The following CD109 variants were observed in gnomAD, a reference collection of about 807,000 sequenced individuals.
CD109 encodes CD109 molecule.
CD109 carries 149 observed loss-of-function variants against 165.8 expected under a neutral mutation model. That is an observed-to-expected ratio of 0.90 (90% confidence interval 0.79 to 1.03). The LOEUF (loss-of-function observed/expected upper bound fraction) is 1.03, where lower values mean the gene tolerates loss of function less well. Ranked by LOEUF, CD109 falls within the 50% of genes least tolerant of loss-of-function variation. The pLI is 0.00. For synonymous variants in CD109, 585 were observed against 592.1 expected (o/e 0.99, Z 0.18); for missense variants, 1,712 against 1,677.8 (o/e 1.02, Z -0.36).
chr6:73,815,362 G>A (rs1203943018), intron 30 of CD109, among the ~76,000 whole-genome samples: 5 of 152,088 alleles, frequency 3.3e-5, no homozygotes, highest in African/African-American at 1.2e-4. Flanking sequence ...ATAGAACAGT[G>A]TATATATAAA....
At position 73,810,165 on chromosome 6, in the gene CD109, A is replaced by G. The variant is rs773711864; in HGVS notation, c.3537A>G (p.Ala1179=). The G allele has an allele frequency of 5.0e-6, 8 of 1,596,564 alleles. No homozygotes were observed. The Admixed American group carries it at 5.4e-5, about 11-fold the overall frequency. The part of the protein sequence containing the change: ...SRQRNSLGGF[A]STQDTTVALK... Reference sequence around the variant, plus strand: ...AAAGAAATAGCTTGGGTGGTTTTGCATCTACTCAGGTGAGAGATGATAGTT... The same window carrying G: ...AAAGAAATAGCTTGGGTGGTTTTGCGTCTACTCAGGTGAGAGATGATAGTT... Residue 1179 remains alanine, a synonymous_variant, in exon 27 of 33, where the codon GCA becomes GCG. Transcript: ENST00000287097.
At chr6:73,815,336 C>G (rs924306444) in intron 30 of CD109, among the ~76,000 whole-genome samples, 3 of 152,012 alleles carry the variant, frequency 2.0e-5, no homozygotes, top group Admixed American at 2.0e-4. Context: ...TTTCCCTGGA[C>G]GTATAACACA....
chr6:73,767,633 G>T (rs1306023693), intron 13 of CD109, among the ~76,000 whole-genome samples: 1 of 151,926 alleles, frequency 6.6e-6, no homozygotes, highest in Non-Finnish European at 1.5e-5. Flanking sequence ...ATTTAAAATA[G>T]ATAACTAAAC....
chr6:73,708,492 A>G (rs1030254922), intron 2 of CD109, among the ~76,000 whole-genome samples: 2 of 152,206 alleles, frequency 1.3e-5, no homozygotes, highest in Admixed American at 6.5e-5. Flanking sequence ...AGCATGATTT[A>G]TAGTCCTTTG....
intron 5 of CD109, among the ~76,000 whole-genome samples, chr6:73,750,026 C>T (rs1451173946): frequency 6.6e-6 from 1 of 152,104 alleles, no homozygotes; most frequent in Non-Finnish European, 1.5e-5. Flanking sequence ...AGCTTATAAT[C>T]GAATACCTTC....
intron 22 of CD109, among the ~76,000 whole-genome samples, chr6:73,791,150 T>TACACAC (rs1300981171): frequency 7.3e-5 from 2 of 27,328 alleles, no homozygotes; most frequent in Non-Finnish European, 1.3e-4. Flanking sequence ...TATATATATA[T>TACACAC]ATATATATAT....
rs1284582837 is a variant in CD109, at chr6:73,783,823, A to C, written c.2222A>C (p.Glu741Ala). 6.5e-7 allele frequency: 1 copy of C among 1,538,506 alleles called. No individual in the cohort carries two copies. The highest frequency in any genetic ancestry group is 1.7e-5 in the Admixed American group (1 of 59,020). ...CTTGGACTAACAACTACTCCAGTGG[A>C]GGTATTGTATTAAAGAGCTGCTTAT... Reference protein sequence around the residue: ...LGLGLTTTPVELQAFQPFFIF... With the variant: ...LGLGLTTTPVALQAFQPFFIF... Residue 741 changes from glutamate to alanine, a missense_variant and splice_region_variant, in exon 19 of 33, where the codon GAG becomes GCG. By Grantham distance (107) the Glu-to-Ala change is moderately radical (BLOSUM62 -1). Transcript: ENST00000287097.
At chr6:73,741,555 A>G (rs1416923621) in intron 5 of CD109, among the ~76,000 whole-genome samples, 3 of 152,212 alleles carry the variant, frequency 2.0e-5, no homozygotes, top group African/African-American at 7.2e-5. Context: ...AAAGTTAGAC[A>G]TTCCTTTATT....
chr6:73,812,052 C>T (rs545679572), intron 28 of CD109, among the ~76,000 whole-genome samples, 153 bp from the exon 29 acceptor site: 34 of 152,218 alleles, frequency 2.2e-4, no homozygotes, highest in African/African-American at 8.2e-4. Context: ...CTATTTGACC[C>T]ATAGCTTTTG....
chr6:73,719,008 G>A (rs1771847979), intron 2 of CD109, among the ~76,000 whole-genome samples: 2 of 151,982 alleles, frequency 1.3e-5, no homozygotes, highest in Non-Finnish European at 2.9e-5. Context: ...AAGAGAAACA[G>A]GTGAAATTAA....
At chr6:73,720,911 T>C (rs1341511629) in intron 2 of CD109, among the ~76,000 whole-genome samples, 1 of 152,200 alleles carries the variant, frequency 6.6e-6, no homozygotes, top group Non-Finnish European at 1.5e-5. Context: ...TAGACTCAGG[T>C]TGATCTCCAC....
rs141038949 is a variant in CD109 at position 73,740,386 on chromosome 6, C to T, written c.633+3878C>T. ...GATCCTTTAAGTAAAACATACTTGACGGCTCCTTGGCATTTCTCCACTTGT... is the reference window on the plus strand; with the variant it reads ...GATCCTTTAAGTAAAACATACTTGATGGCTCCTTGGCATTTCTCCACTTGT... On this transcript the variant is annotated intron_variant, in intron 5 of 32. Coordinates refer to ENST00000287097, the MANE Select transcript of CD109 (RefSeq NM_133493.5). 4.5e-3 allele frequency among the ~76,000 whole-genome samples: 688 copies of T among 152,242 alleles called. 5 individuals are homozygous for T. The highest frequency in any genetic ancestry group is 0.02 in the Middle Eastern group (6 of 294).
chr6:73,814,637 G>A (rs962611992), intron 29 of CD109, among the ~76,000 whole-genome samples: 1 of 152,096 alleles, frequency 6.6e-6, no homozygotes, highest in East Asian at 1.9e-4. Flanking sequence ...TGGGCAACAG[G>A]CCTTAGAAAT....
Position 73,787,431 on chromosome 6 carries a change from C to G in CD109, c.2535C>G (p.Val845=). The change falls in exon 21 of 33, where the codon GTC becomes GTG. Residue 845 remains valine (V), a synonymous_variant. Transcript: ENST00000287097. The part of the protein sequence containing the change: ...TALSPTASDA[V]TQMILVKAEG... ...TTTCACCCACTGCTTCTGATGCTGT[C>G]ACCCAGATGATTTTAGTAAAGGTAA... 6.2e-7 allele frequency: 1 copy of G among 1,611,250 alleles called. No homozygotes were observed. The highest frequency in any genetic ancestry group is 8.5e-7 in the Non-Finnish European group (1 of 1,177,926).
At chr6:73,743,350 G>T (rs928224524) in intron 5 of CD109, among the ~76,000 whole-genome samples, 4 of 152,176 alleles carry the variant, frequency 2.6e-5, no homozygotes, top group Non-Finnish European at 5.9e-5. Flanking sequence ...ACTCAACAGG[G>T]TTAAGGCTTG....
chr6:73,780,563 T>C (rs1774446727), intron 16 of CD109, 65 bp downstream of exon 16: 1 of 1,014,080 alleles, frequency 9.9e-7, no homozygotes, highest in Non-Finnish European at 1.5e-6. Context: ...CCTTTCAGAA[T>C]TAGTGATCAT....
At chr6:73,731,899 T>A (rs1772381048) in intron 4 of CD109, among the ~76,000 whole-genome samples, 1 of 152,214 alleles carries the variant, frequency 6.6e-6, no homozygotes, top group Non-Finnish European at 1.5e-5. Flanking sequence ...ATTATTATTA[T>A]TTTAGGAACC....
the CD109 span, among the ~76,000 whole-genome samples, chr6:73,682,437 G>T: frequency 2.6e-4 from 39 of 152,362 alleles, no homozygotes; most frequent in African/African-American, 8.9e-4. Context: ...GATGAAAGAG[G>T]TGGGTTCCCA....
In CD109 at chr6:73,823,612, CT is replaced by C. The variant is rs1776178371; in HGVS notation, c.4320del (p.Phe1440LeufsTer15). The stretch of plus-strand genomic sequence containing the variant: ...TTATTTTCTGTTTCAAGCTTCTGTA[CT>C]TTATGGAACTTTGGCTGTGATTTAT... ...IFIFCFKLLY[F>X]MELWL On this transcript the variant is annotated frameshift_variant, in exon 33 of 33. Coordinates refer to ENST00000287097, the MANE Select transcript of CD109 (RefSeq NM_133493.5). LOFTEE classifies it high-confidence loss of function. 1.9e-6 allele frequency: 3 copies of C among 1,609,640 alleles called. No homozygotes were observed. The highest frequency in any genetic ancestry group is 2.5e-6 in the Non-Finnish European group (3 of 1,177,070).
Sources: gnomAD v4.1 joint callset for allele counts (sites outside exome capture counted in the v4.1 genomes callset) on GRCh38, gnomAD v4.1.1 for gene constraint, MANE v1.5 for transcripts, NCBI Gene and HGNC (gene_info 2026-07-23, HGNC 2026-07-21) for gene names.